The following HPS1 variants were observed in gnomAD, a reference collection of about 807,000 sequenced individuals.
HPS1 encodes the protein BLOC-3 complex member HPS1.
Under a neutral mutation model 90.6 loss-of-function variants are expected in HPS1, and 59 were observed. That is an observed-to-expected ratio of 0.65 (90% confidence interval 0.53 to 0.81). The LOEUF (loss-of-function observed/expected upper bound fraction) is 0.81, where lower values mean the gene tolerates loss of function less well. Among genes scored for constraint, HPS1 ranks in the 30% least tolerant of loss-of-function variants. HPS1 has a pLI of 0.00. For missense variants in HPS1, 849 were observed against 896.7 expected (o/e 0.95, Z 0.68); for synonymous variants, 388 against 384.4 (o/e 1.01, Z -0.11).
At position 98,436,796 on chromosome 10, in the gene HPS1, G is replaced by A. The variant is rs140186155; in HGVS notation, c.118-1024C>T. On this transcript the variant is annotated intron_variant, in intron 3 of 19. Transcript: ENST00000361490. ...GAAGGCACAGTCCTAACTTGGAGCT[G>A]GGGAAGTCTACAAGAAGCTGAGTAA... 2.9e-3 allele frequency among the ~76,000 whole-genome samples: 444 copies of A among 152,338 alleles called. 1 individual carries two copies. Among genetic ancestry groups the A allele is most frequent in the African/African-American group, 0.01 (421 of 41,576 alleles).
At chr10:98,416,175 G>C (rs1436795757), downstream of HPS1, 3 of 152,286 alleles carry the variant, frequency 2.0e-5, no homozygotes, top group Non-Finnish European at 1.5e-5. Flanking sequence ...CAGTTACCCC[G>C]CATGTGAGCA....
intron 17 of HPS1, 84 bp from the exon 18 acceptor site, chr10:98,420,242 C>T: frequency 1.0e-6 from 1 of 995,262 alleles, no homozygotes; most frequent in Non-Finnish European, 1.6e-6. Context: ...GGAAAGGGCA[C>T]AGCCGAGAAG....
intron 16 of HPS1, among the ~76,000 whole-genome samples, chr10:98,423,304 G>A (rs1358575263): frequency 2.2e-5 from 2 of 89,914 alleles, no homozygotes; most frequent in African/African-American, 5.7e-5. Flanking sequence ...CCCACCCCTC[G>A]TGGAATACCT....
chr10:98,418,169 C>G lies in HPS1; in HGVS notation c.1940+6G>C. 1.3e-6 allele frequency: 2 copies of G among 1,590,022 alleles called. No homozygotes were observed. Among genetic ancestry groups the G allele is most frequent in the Non-Finnish European group, 1.7e-6 (2 of 1,161,430 alleles). On this transcript the variant is annotated splice_donor_region_variant and intron_variant, in intron 19 of 19. Transcript: ENST00000361490. Reference sequence around the variant, plus strand: ...CTGTCCCCAGTGGCTCCCAACGCAGCGTCACCTGTAGTAGTCTCCTCCCAG... The same window carrying G: ...CTGTCCCCAGTGGCTCCCAACGCAGGGTCACCTGTAGTAGTCTCCTCCCAG...
chr10:98,434,053 C>T lies in HPS1; in HGVS notation c.437G>A (p.Trp146Ter). 1 of 1,552,616 alleles carries T rather than the reference C, an allele frequency of 6.4e-7. No homozygotes were observed. Among genetic ancestry groups the T allele is most frequent in the African/African-American group, 1.4e-5 (1 of 73,338 alleles). ...CCACAGCAGGCTCTGGAAGTGCTCC[C>T]ACAGCTGGACACGCTGCGCCAGGTC... is the stretch of plus-strand genomic sequence containing the variant. ...PPDLAQRVQL[W>*]EHFQSLLWTY... Residue 146 changes from tryptophan (W) to a stop codon, truncating the protein, a stop_gained, in exon 6 of 20, where the codon TGG becomes TAG. Transcript: ENST00000361490. LOFTEE classifies it high-confidence loss of function.
chr10:98,443,710 C>A (rs1330484605), intron 2 of HPS1, among the ~76,000 whole-genome samples: 1 of 152,172 alleles, frequency 6.6e-6, no homozygotes, highest in Non-Finnish European at 1.5e-5. Flanking sequence ...CATCTCTGGG[C>A]AGTCCAGAGA....
downstream of HPS1, chr10:98,414,662 A>C (rs1362516513): frequency 5.2e-6 from 1 of 193,660 alleles, no homozygotes. Context: ...AACCCTTACA[A>C]ACCATAGGCT....
chr10:98,435,633 A>G lies in HPS1; in HGVS notation c.255+2T>C. On this transcript the variant is annotated splice_donor_variant, in intron 4 of 19. Transcript: ENST00000361490. LOFTEE classifies it high-confidence loss of function. This position sits in a 1 kb window ranked among gnomAD's most constrained non-coding sequence, Gnocchi z 4.3. ...ACATGGGCCCCAGAGCTATAGACTCACCAGGTGAAGGACATACAGGAAGTT... is the reference window on the plus strand; with the variant it reads ...ACATGGGCCCCAGAGCTATAGACTCGCCAGGTGAAGGACATACAGGAAGTT... 6.2e-7 allele frequency: 1 copy of G among 1,614,192 alleles called. No homozygotes were observed. The highest frequency in any genetic ancestry group is 8.5e-7 in the Non-Finnish European group (1 of 1,180,032).
chr10:98,436,008 G>A (rs930490813), intron 3 of HPS1, among the ~76,000 whole-genome samples: 19 of 152,196 alleles, frequency 1.2e-4, no homozygotes, highest in African/African-American at 4.6e-4. Flanking sequence ...TCTGAATCTA[G>A]AAGGAAACAT....
chr10:98,417,671 C>T lies in HPS1; in HGVS notation c.1996G>A (p.Glu666Lys), dbSNP rs121908385. 5 of 1,613,698 alleles carry T rather than the reference C, an allele frequency of 3.1e-6. No homozygotes were observed. Among genetic ancestry groups the T allele is most frequent in the East Asian group, 2.2e-5 (1 of 44,874 alleles). The part of the protein sequence containing the change: ...NRPTEAVRCY[E>K]LLALHLSVIP... ...ACAGACAGGTGCAGGGCCAGCAGCT[C>T]GTAGCACCTGACAGCCTCGGTTGGG... The change falls in exon 20 of 20, where the codon GAG (glutamate) becomes AAG (lysine). Residue 666 changes from glutamate to lysine, a missense_variant. By Grantham distance (56) the Glu-to-Lys change is moderately conservative. Transcript: ENST00000361490. The surrounding 1 kb of genome is among the most constrained non-coding windows in gnomAD (Gnocchi z 4.2).
At position 98,423,759 on chromosome 10, in the gene HPS1, A is replaced by G; in HGVS notation, c.1526T>C (p.Leu509Pro). ...PQHLQDQVQR[L>P]MREKLTDWKD... is the part of the protein sequence containing the mutation. ...GGGGCCGCACTGCACTTACCGCATG[A>G]GCCTCTGCACTTGGTCCTGCAGGTG... Residue 509 changes from leucine (L) to proline (P), a missense_variant, in exon 15 of 20, where the codon CTC becomes CCC. Coordinates refer to ENST00000361490, the MANE Select transcript of HPS1 (RefSeq NM_000195.5). 2 of 1,614,114 alleles carry G rather than the reference A, an allele frequency of 1.2e-6. No individual in the cohort carries two copies. The highest frequency in any genetic ancestry group is 1.1e-5 in the South Asian group (1 of 91,080).
chr10:98,433,330 C>G (rs1472131422), intron 6 of HPS1, among the ~76,000 whole-genome samples: 1 of 151,878 alleles, frequency 6.6e-6, no homozygotes, highest in Non-Finnish European at 1.5e-5. Context: ...CTGTATTTAA[C>G]AAGCCCTACA....
intron 6 of HPS1, 134 bp from the exon 7 acceptor site, chr10:98,431,425 A>C (rs1591094586): frequency 1.1e-6 from 1 of 911,986 alleles, no homozygotes; most frequent in East Asian, 2.6e-5. Context: ...AAACAGGGGG[A>C]CTAAGACCCA....
At chr10:98,434,279 G>A (rs1214152736) in intron 5 of HPS1, among the ~76,000 whole-genome samples, 188 bp from the exon 6 acceptor site, 1 of 152,082 alleles carries the variant, frequency 6.6e-6, no homozygotes, top group Non-Finnish European at 1.5e-5. Flanking sequence ...GGATAGGCAC[G>A]GAGCCGGAAG....
rs1591004548 is a variant in HPS1, at chr10:98,417,850, T to C, written c.1941-124A>G. Reference sequence around the variant, plus strand: ...TCGGTCATCTCACTAGGCCCCTGCATGTGGGCCTTGACAACCGCTCCGGTT... The same window carrying C: ...TCGGTCATCTCACTAGGCCCCTGCACGTGGGCCTTGACAACCGCTCCGGTT... On this transcript the variant is annotated intron_variant, in intron 19 of 19. Coordinates refer to ENST00000361490, the MANE Select transcript of HPS1 (RefSeq NM_000195.5). This position sits in a 1 kb window ranked among gnomAD's most constrained non-coding sequence, Gnocchi z 4.2. The C allele has an allele frequency of 2.2e-6, 2 of 897,718 alleles. No individual in the cohort carries two copies. The highest frequency in any genetic ancestry group is 2.6e-5 in the East Asian group (1 of 38,232). The allele number at this position is 897,718 out of a possible 1,614,324, so 55.6% of individuals were successfully genotyped here. A position where few individuals can be genotyped will look rare whatever the true frequency, so the allele number is the denominator to read the frequency against.
chr10:98,436,798 G>C (rs762551966), intron 3 of HPS1, among the ~76,000 whole-genome samples: 1 of 152,192 alleles, frequency 6.6e-6, no homozygotes, highest in South Asian at 2.1e-4. Context: ...TTGGAGCTGG[G>C]GAAGTCTACA....
chr10:98,422,609 G>T, intron 16 of HPS1, 96 bp from the exon 17 acceptor site: 1 of 1,243,868 alleles, frequency 8.0e-7, no homozygotes, highest in Non-Finnish European at 1.2e-6. Context: ...GTGGCAGGAG[G>T]GCCAGGACTG....
At chr10:98,427,633 C>G (rs546703792) in intron 10 of HPS1, among the ~76,000 whole-genome samples, 70 of 152,098 alleles carry the variant, frequency 4.6e-4, no homozygotes, top group African/African-American at 1.7e-3. Flanking sequence ...TTCCTTCAGG[C>G]CTCAACCCGC....
intron 3 of HPS1, among the ~76,000 whole-genome samples, chr10:98,438,821 T>C (rs899572495): frequency 1.1e-4 from 16 of 152,184 alleles, no homozygotes; most frequent in Non-Finnish European, 1.9e-4. Context: ...CTCCAGGGCC[T>C]GTCAGAGGTC....
Sources: allele counts gnomAD v4.1 joint callset (sites outside exome capture counted in the v4.1 genomes callset), GRCh38; gene constraint gnomAD v4.1.1; non-coding constraint Gnocchi (gnomAD v3.1); transcripts MANE v1.5; gene names NCBI Gene and HGNC (gene_info 2026-07-23, HGNC 2026-07-21).